CD44: variants seen among roughly 807,000 people sequenced by gnomAD.
CD44 encodes the protein CD44 molecule (IN blood group), also known as CD44 antigen.
A neutral mutation model predicts 88.8 loss-of-function variants in CD44; 49 were observed. The ratio of observed to expected loss-of-function variants is 0.55; its 90% CI spans 0.44 to 0.70. The LOEUF is 0.70. CD44 is among the 30% of genes least tolerant of loss of function. CD44 has a pLI of 0.00. For missense variants in CD44, 883 were observed against 913.8 expected (o/e 0.97, Z 0.43); for synonymous variants, 325 against 312.3 (o/e 1.04, Z -0.43).
chr11:35,172,321 A>T (rs1043605209), intron 1 of CD44, among the ~76,000 whole-genome samples: 3 of 152,180 alleles, frequency 2.0e-5, no homozygotes, highest in African/African-American at 7.2e-5. Context: ...CCACTTGTTT[A>T]AAATTTCCAT....
At chr11:35,207,378 A>G (rs1288856757) in intron 11 of CD44, among the ~76,000 whole-genome samples, 2 of 152,230 alleles carry the variant, frequency 1.3e-5, no homozygotes, top group African/African-American at 4.8e-5. Context: ...GATGGGGTTT[A>G]TGAATTGTTT....
chr11:35,146,396 T>G (rs1859183988), intron 1 of CD44, among the ~76,000 whole-genome samples: 1 of 152,210 alleles, frequency 6.6e-6, no homozygotes, highest in Non-Finnish European at 1.5e-5. Flanking sequence ...AGTTCATTTG[T>G]TTTTGAGAGC....
chr11:35,222,343 T>A (rs1456123216), intron 17 of CD44: 1 of 1,092,372 alleles, frequency 9.2e-7, no homozygotes, highest in East Asian at 6.0e-5. Context: ...GTTTTTGTAA[T>A]GATATCATTT....
intron 1 of CD44, among the ~76,000 whole-genome samples, chr11:35,143,723 G>C (rs1049353849): frequency 6.6e-6 from 1 of 152,144 alleles, no homozygotes; most frequent in Non-Finnish European, 1.5e-5. Flanking sequence ...TGGCTGCCCT[G>C]CCCTGGCCTG....
At chr11:35,167,343 A>T (rs2133452910) in intron 1 of CD44, among the ~76,000 whole-genome samples, 1 of 151,750 alleles carries the variant, frequency 6.6e-6, no homozygotes, top group East Asian at 1.9e-4. Context: ...GCTATCCTTG[A>T]TTTTATTTTC....
intron 1 of CD44, among the ~76,000 whole-genome samples, chr11:35,166,509 T>C (rs779748745): frequency 6.6e-6 from 1 of 152,128 alleles, no homozygotes; most frequent in Non-Finnish European, 1.5e-5. Context: ...AGGCTGTGCA[T>C]TGGGTTGATC....
chr11:35,213,931 G>A (rs999399024), intron 14 of CD44: 12 of 152,010 alleles, frequency 7.9e-5, no homozygotes, highest in African/African-American at 2.9e-4. Context: ...GGTTACTATA[G>A]ATTCCTTATA....
chr11:35,201,994 C>A (rs1714885581), intron 9 of CD44, among the ~76,000 whole-genome samples: 1 of 152,110 alleles, frequency 6.6e-6, no homozygotes, highest in Admixed American at 6.6e-5. Flanking sequence ...TGCCCAAAGG[C>A]CAAAATGTTT....
intron 2 of CD44, chr11:35,177,039 G>A: frequency 6.4e-6 from 2 of 313,180 alleles, no homozygotes; most frequent in Non-Finnish European, 1.2e-5. Flanking sequence ...TGAAGAAGCT[G>A]CAGTATCATT....
intron 3 of CD44, among the ~76,000 whole-genome samples, chr11:35,182,107 CAT>C (rs1175505744): frequency 1.4e-5 from 2 of 139,662 alleles, no homozygotes; most frequent in Non-Finnish European, 3.0e-5. Context: ...ATACATATAC[CAT>C]ATATATGGTA....
At chr11:35,162,926 G>T (rs1016470296) in intron 1 of CD44, among the ~76,000 whole-genome samples, 2 of 152,040 alleles carry the variant, frequency 1.3e-5, no homozygotes, top group African/African-American at 2.4e-5. Flanking sequence ...ACCCATGTTC[G>T]CTTTAGCATC....
At chr11:35,177,867 C>T (rs1398594956) in intron 2 of CD44, among the ~76,000 whole-genome samples, 3 of 152,248 alleles carry the variant, frequency 2.0e-5, no homozygotes, top group African/African-American at 7.2e-5. Context: ...GCACTAACTA[C>T]ATTTTAAGTG....
chr11:35,139,469 A>G, intron 1 of CD44, 99 bp downstream of exon 1: 1 of 1,045,792 alleles, frequency 9.6e-7, no homozygotes. Flanking sequence ...GGGGGACTGG[A>G]GTCAAGTGAG....
At chr11:35,163,150 C>G (rs899224307) in intron 1 of CD44, among the ~76,000 whole-genome samples, 1 of 152,080 alleles carries the variant, frequency 6.6e-6, no homozygotes, top group African/African-American at 2.4e-5. Flanking sequence ...AGGCATGAAT[C>G]TTGTTCTGTT....
At chr11:35,210,745 A>G (rs1948316365) in intron 13 of CD44, 1 of 159,714 alleles carries the variant, frequency 6.3e-6, no homozygotes, top group Non-Finnish European at 1.4e-5. Flanking sequence ...CTGGACCTCC[A>G]TGGTGCTGAT....
At position 35,229,381 on chromosome 11, in the gene CD44, A is replaced by G. The variant is rs780874018; in HGVS notation, c.*48A>G. 11 of 1,219,852 alleles carry G rather than the reference A, an allele frequency of 9.0e-6. No homozygotes were observed. The highest frequency in any genetic ancestry group is 8.8e-5 in the Admixed American group (5 of 56,516). 75.6% of individuals were successfully genotyped at this position (1,219,852 alleles called of 1,614,324 possible). ...AGAAACAACCGTTGGAAACATAACC[A>G]TTACAGGGAGCTGGGACACTTAACA... is the stretch of plus-strand genomic sequence containing the variant. On this transcript the variant is annotated 3_prime_UTR_variant, in exon 18 of 18. Coordinates refer to ENST00000428726, the MANE Select transcript of CD44 (RefSeq NM_000610.4).
At chr11:35,186,615 G>A (rs767604384) in intron 3 of CD44, among the ~76,000 whole-genome samples, 46 of 152,022 alleles carry the variant, frequency 3.0e-4, no homozygotes, top group African/African-American at 9.7e-4. Context: ...GAAAATTTCC[G>A]GAAACTTCAT....
At chr11:35,187,855 CAG>C (rs1259130360) in intron 4 of CD44, among the ~76,000 whole-genome samples, 1 of 152,144 alleles carries the variant, frequency 6.6e-6, no homozygotes, top group Non-Finnish European at 1.5e-5. Flanking sequence ...TGATTATCCA[CAG>C]ATGTATATAT....
At chr11:35,215,750 T>A (rs1948781213) in intron 15 of CD44, among the ~76,000 whole-genome samples, 3 of 151,710 alleles carry the variant, frequency 2.0e-5, no homozygotes, top group Admixed American at 1.3e-4. Context: ...TGCGCACCTG[T>A]AATCCCAGCT....
Sources: gnomAD v4.1 joint callset for allele counts (sites outside exome capture counted in the v4.1 genomes callset) on GRCh38, gnomAD v4.1.1 for gene constraint, MANE v1.5 for transcripts, NCBI Gene and HGNC (gene_info 2026-07-23, HGNC 2026-07-21) for gene names.